The following AACS variants were observed in gnomAD, a reference collection of about 807,000 sequenced individuals.
The protein encoded by AACS is acetoacetate-CoA ligase.
AACS carries 69 observed loss-of-function variants against 83.1 expected under a neutral mutation model. The ratio of observed to expected loss-of-function variants is 0.83; its 90% CI spans 0.68 to 1.01. The LOEUF (loss-of-function observed/expected upper bound fraction) is 1.01. Ranked by LOEUF, AACS falls within the 50% of genes least tolerant of loss-of-function variation. The probability of loss-of-function intolerance (pLI) is 0.00; values close to 1 mark genes in which losing one functional copy is unlikely to be tolerated. For synonymous variants in AACS, 333 were observed against 343.4 expected (o/e 0.97, Z 0.33); for missense variants, 866 against 882.2 (o/e 0.98, Z 0.23).
At chr12:125,123,275 C>T (rs1957185337) in intron 10 of AACS, 1 of 152,226 alleles carries the variant, frequency 6.6e-6, no homozygotes, top group South Asian at 2.1e-4. Context: ...GCCGGGTGAT[C>T]ACCATTAGAG....
At chr12:125,095,143 A>C (rs967400856) in intron 5 of AACS, among the ~76,000 whole-genome samples, 4 of 152,100 alleles carry the variant, frequency 2.6e-5, no homozygotes, top group Admixed American at 1.3e-4. Flanking sequence ...CAGGTCAGAC[A>C]CATGTTCATA....
In AACS at chr12:125,114,479, C is replaced by G. The variant is rs1381782539; in HGVS notation, c.918C>G (p.Gly306=). Reference sequence around the variant, plus strand: ...GCTCCCCCGTGTCTCCCCTGCAGGGCACCCTCATCCAGCATCTGAAGGAGC... The same window carrying G: ...GCTCCCCCGTGTCTCCCCTGCAGGGGACCCTCATCCAGCATCTGAAGGAGC... ...APKCMVHSAG[G]TLIQHLKEHL... The change falls in exon 9 of 18, where the codon GGC becomes GGG. Residue 306 remains glycine (G), a splice_region_variant and synonymous_variant. Transcript: ENST00000316519. 2.5e-6 allele frequency: 4 copies of G among 1,612,772 alleles called. No homozygotes were observed. The highest frequency in any genetic ancestry group is 3.4e-6 in the Non-Finnish European group (4 of 1,179,510).
chr12:125,069,125 G>A (rs1955788719), intron 1 of AACS, among the ~76,000 whole-genome samples: 1 of 152,284 alleles, frequency 6.6e-6, no homozygotes, highest in Non-Finnish European at 1.5e-5. Flanking sequence ...ACAGGCGTGA[G>A]CCACCGCGCC....
In AACS at chr12:125,098,319, C is replaced by T. The variant is rs889042810; in HGVS notation, c.571-4360C>T. Among the ~76,000 whole-genome samples the T allele has an allele frequency of 3.3e-5, 5 of 151,814 alleles. No homozygotes were observed. In the South Asian group the frequency reaches 8.3e-4, roughly 25 times the overall value. ...GTGGCACACAGCCTGATCCTGAGCC[C>T]GGGAGGTTGAGTCTGAGTGAGCTGT... On this transcript the variant is annotated intron_variant, in intron 5 of 17. Transcript: ENST00000316519.
chr12:125,086,695 G>A, intron 4 of AACS, among the ~76,000 whole-genome samples: 1 of 152,134 alleles, frequency 6.6e-6, no homozygotes, highest in East Asian at 1.9e-4. Context: ...ACAATTCCAG[G>A]AACATCAAGG....
At position 125,130,520 on chromosome 12, in the gene AACS, A is replaced by G. The variant is rs943488309; in HGVS notation, c.1549+1060A>G. On this transcript the variant is annotated intron_variant, in intron 14 of 17. Transcript: ENST00000316519. The surrounding 1 kb of genome is among the most constrained non-coding windows in gnomAD (Gnocchi z 4.9). ...GATTAGAATCTCAGCTTGAGGATCC[A>G]TCCAAGAAATGATGGCCCTTCATCT... 6.6e-6 allele frequency among the ~76,000 whole-genome samples: 1 copy of G among 152,258 alleles called. No homozygotes were observed. The highest frequency in any genetic ancestry group is 2.4e-5 in the African/African-American group (1 of 41,472).
At chr12:125,125,998 C>G (rs902172215) in intron 12 of AACS, 1 of 151,668 alleles carries the variant, frequency 6.6e-6, no homozygotes. Flanking sequence ...GCTCTGTCAC[C>G]CAGGCTGGAG....
At chr12:125,103,756 AG>A (rs1344506048) in intron 7 of AACS, among the ~76,000 whole-genome samples, 3 of 152,106 alleles carry the variant, frequency 2.0e-5, no homozygotes, top group Non-Finnish European at 2.9e-5. Context: ...TGGGAGGCCG[AG>A]GCAGGCGGAT....
chr12:125,077,892 A>G (rs1036085797), intron 3 of AACS, among the ~76,000 whole-genome samples: 1 of 152,108 alleles, frequency 6.6e-6, no homozygotes, highest in Non-Finnish European at 1.5e-5. Context: ...TAGTTTTAGT[A>G]GAGATGGGGT....
intron 9 of AACS, among the ~76,000 whole-genome samples, chr12:125,116,661 T>C (rs1592990944): frequency 6.6e-6 from 1 of 152,018 alleles, no homozygotes; most frequent in East Asian, 1.9e-4. Context: ...GAGATGGGGT[T>C]TCACCGTGTT....
At chr12:125,099,003 C>A (rs7132749) in intron 5 of AACS, among the ~76,000 whole-genome samples, 19,687 of 152,272 alleles carry the variant, frequency 0.13, 1,322 homozygotes, top group South Asian at 0.19. Context: ...ATGTCCTTTT[C>A]TCACTGGACA....
At position 125,065,561 on chromosome 12, in the gene AACS, C is replaced by T; in HGVS notation, c.-24C>T. 1 of 1,500,044 alleles carries T rather than the reference C, an allele frequency of 6.7e-7. No homozygotes were observed. Among genetic ancestry groups the T allele is most frequent in the Non-Finnish European group, 8.9e-7 (1 of 1,124,662 alleles). 92.9% of individuals were successfully genotyped at this position (1,500,044 alleles called of 1,614,324 possible). ...GGCCCCTGGTCCCCAGCCCTCGTCG[C>T]AGCCCCGGCCGCCCGCCGCCGCCAT... is the stretch of plus-strand genomic sequence containing the variant. On this transcript the variant is annotated 5_prime_UTR_variant, in exon 1 of 18. Coordinates refer to ENST00000316519, the MANE Select transcript of AACS (RefSeq NM_023928.5).
At chr12:125,076,353 A>G in intron 2 of AACS, 138 bp from the exon 3 acceptor site, 1 of 1,194,246 alleles carries the variant, frequency 8.4e-7, no homozygotes, top group African/African-American at 1.5e-5. Flanking sequence ...ATGATTTAAA[A>G]ATGCTCTGGG....
At chr12:125,134,683 G>A in intron 15 of AACS, 111 bp from the exon 16 acceptor site, 1 of 1,208,486 alleles carries the variant, frequency 8.3e-7, no homozygotes, top group Non-Finnish European at 1.2e-6. Flanking sequence ...TCCGTGACTA[G>A]TCCTGGGGGA....
Position 125,095,981 on chromosome 12 carries a change from C to T in AACS, c.570+4458C>T, listed in dbSNP as rs113999072. ...TGGATACTATTGCCCCTCTTTTTTTCTGAGACGGAGTCTCACTCTGTCTCC... is the reference window on the plus strand; with the variant it reads ...TGGATACTATTGCCCCTCTTTTTTTTTGAGACGGAGTCTCACTCTGTCTCC... On this transcript the variant is annotated intron_variant, in intron 5 of 17. Transcript: ENST00000316519. Among the ~76,000 whole-genome samples, 55 of 152,168 alleles carry T rather than the reference C, an allele frequency of 3.6e-4. 1 individual carries two copies. The highest frequency in any genetic ancestry group is 1.3e-3 in the African/African-American group (54 of 41,536).
chr12:125,070,923 G>A (rs34094159), intron 1 of AACS, among the ~76,000 whole-genome samples: 26,990 of 152,244 alleles, frequency 0.18, 2,645 homozygotes, highest in African/African-American at 0.26. Flanking sequence ...ACTGTGTGGT[G>A]TGGACAATGC....
chr12:125,142,125 G>T lies in AACS; in HGVS notation c.1915G>T (p.Val639Phe), dbSNP rs761519431. The change falls in exon 18 of 18, where the codon GTC (valine) becomes TTC (phenylalanine). Residue 639 changes from valine to phenylalanine, a missense_variant. By Grantham distance (50) the Val-to-Phe change is conservative. Coordinates refer to ENST00000316519, the MANE Select transcript of AACS (RefSeq NM_023928.5). ...TLNGKKVEVAVKQIIAGKAVE... is the reference protein window; with the variant it reads ...TLNGKKVEVAFKQIIAGKAVE... Reference sequence around the variant, plus strand: ...CAACGGCAAGAAAGTGGAAGTTGCCGTCAAACAGATCATCGCTGGAAAAGC... The same window carrying T: ...CAACGGCAAGAAAGTGGAAGTTGCCTTCAAACAGATCATCGCTGGAAAAGC... 1 of 1,614,002 alleles carries T rather than the reference G, an allele frequency of 6.2e-7. No homozygotes were observed. Among genetic ancestry groups the T allele is most frequent in the Non-Finnish European group, 8.5e-7 (1 of 1,180,052 alleles).
intron 8 of AACS, among the ~76,000 whole-genome samples, chr12:125,107,836 G>GC (rs1565942308): frequency 6.6e-6 from 1 of 152,186 alleles, no homozygotes; most frequent in Non-Finnish European, 1.5e-5. Context: ...GGTGGCACAT[G>GC]CCTGTAGTCT....
intron 17 of AACS, chr12:125,141,715 A>G (rs71446217): frequency 0.23 from 31,884 of 138,034 alleles, 4,361 homozygotes; most frequent in East Asian, 0.39. Flanking sequence ...AAAAAAGAAA[A>G]AAAAAGAAAA....
Sources: allele counts gnomAD v4.1 joint callset (sites outside exome capture counted in the v4.1 genomes callset), GRCh38; gene constraint gnomAD v4.1.1; non-coding constraint Gnocchi (gnomAD v3.1); transcripts MANE v1.5; gene names NCBI Gene and HGNC (gene_info 2026-07-23, HGNC 2026-07-21).